DNAJC1: variants seen among roughly 807,000 people sequenced by gnomAD.
The protein encoded by DNAJC1 is dnaJ homolog subfamily C member 1.
In DNAJC1, 58 loss-of-function variants were observed where a neutral mutation model predicts 76.6. The ratio of observed to expected loss-of-function variants is 0.76; its 90% CI spans 0.61 to 0.94. The LOEUF (loss-of-function observed/expected upper bound fraction) is 0.94, where lower values mean the gene tolerates loss of function less well. Ranked by LOEUF, DNAJC1 falls within the 40% of genes least tolerant of loss-of-function variation. DNAJC1 has a pLI of 0.00. For synonymous variants in DNAJC1, 258 were observed against 267.9 expected (o/e 0.96, Z 0.36); for missense variants, 689 against 677.3 (o/e 1.02, Z -0.19).
intron 8 of DNAJC1, among the ~76,000 whole-genome samples, chr10:21,837,064 C>T (rs1053872577): frequency 3.9e-5 from 6 of 152,378 alleles, no homozygotes; most frequent in African/African-American, 1.2e-4. Flanking sequence ...GCGTGCGCCG[C>T]CACGCCTGAC....
At chr10:21,908,263 A>C (rs1167959799) in intron 6 of DNAJC1, among the ~76,000 whole-genome samples, 1 of 115,126 alleles carries the variant, frequency 8.7e-6, no homozygotes, top group Non-Finnish European at 1.7e-5. Flanking sequence ...AAATATATAT[A>C]TATATTTTAT....
chr10:21,850,609 T>C (rs1304496378), intron 8 of DNAJC1, among the ~76,000 whole-genome samples: 2 of 151,816 alleles, frequency 1.3e-5, no homozygotes, highest in East Asian at 1.9e-4. Flanking sequence ...TATGCACATC[T>C]ATGCACATCA....
At chr10:21,876,749 T>G (rs909903288) in intron 8 of DNAJC1, among the ~76,000 whole-genome samples, 9 of 152,204 alleles carry the variant, frequency 5.9e-5, no homozygotes, top group Admixed American at 5.9e-4. Flanking sequence ...TACACAGTTA[T>G]GGACACTTGG....
At chr10:21,881,245 T>C (rs1366965241) in intron 8 of DNAJC1, among the ~76,000 whole-genome samples, 2 of 152,248 alleles carry the variant, frequency 1.3e-5, no homozygotes, top group Non-Finnish European at 2.9e-5. Flanking sequence ...ACTTTCTCCA[T>C]ATCAGCAATA....
At chr10:21,833,843 A>G (rs1189687484) in intron 8 of DNAJC1, among the ~76,000 whole-genome samples, 3 of 152,184 alleles carry the variant, frequency 2.0e-5, no homozygotes, top group African/African-American at 4.8e-5. Flanking sequence ...CACCAACAAA[A>G]TACTATATAA....
At chr10:21,962,350 T>A (rs1837809111) in intron 1 of DNAJC1, among the ~76,000 whole-genome samples, 1 of 151,396 alleles carries the variant, frequency 6.6e-6, no homozygotes, top group African/African-American at 2.4e-5. Context: ...TTATTAAGAC[T>A]TGCCACTTCT....
At chr10:21,902,327 CT>C (rs916298375) in intron 7 of DNAJC1, among the ~76,000 whole-genome samples, 1 of 151,332 alleles carries the variant, frequency 6.6e-6, no homozygotes, top group African/African-American at 2.4e-5. Context: ...TTAAAAGAGA[CT>C]TTTTTTTTGA....
At chr10:21,823,714 A>G (rs529166006) in intron 8 of DNAJC1, among the ~76,000 whole-genome samples, 11 of 151,962 alleles carry the variant, frequency 7.2e-5, no homozygotes, top group Non-Finnish European at 1.6e-4. Context: ...AAAATACACT[A>G]ATGCTAACAA....
intron 2 of DNAJC1, among the ~76,000 whole-genome samples, 192 bp downstream of exon 2, chr10:21,928,848 C>T (rs1001076579): frequency 6.6e-6 from 1 of 151,664 alleles, no homozygotes; most frequent in African/African-American, 2.4e-5. Context: ...TATGACCCTC[C>T]AAGAATTTAG....
chr10:21,759,448 C>T lies in DNAJC1; in HGVS notation c.1318G>A (p.Ala440Thr). 6.2e-7 allele frequency: 1 copy of T among 1,614,156 alleles called. No individual in the cohort carries two copies. Among genetic ancestry groups the T allele is most frequent in the Non-Finnish European group, 8.5e-7 (1 of 1,180,046 alleles). ...SGEQETGATD[A>T]RPRRRKPARL... Reference sequence around the variant, plus strand: ...GCTGGCTTCCGCCTCCGAGGCCGGGCATCAGTGGCCCCGGTCTCCTGCTCA... The same window carrying T: ...GCTGGCTTCCGCCTCCGAGGCCGGGTATCAGTGGCCCCGGTCTCCTGCTCA... Residue 440 changes from alanine to threonine, a missense_variant, in exon 11 of 12, where the codon GCC (alanine) becomes ACC (threonine). By Grantham distance (58) the Ala-to-Thr change is moderately conservative. Coordinates refer to ENST00000376980, the MANE Select transcript of DNAJC1 (RefSeq NM_022365.4).
At chr10:21,993,079 A>G (rs1221673018) in intron 1 of DNAJC1, among the ~76,000 whole-genome samples, 2 of 149,972 alleles carry the variant, frequency 1.3e-5, no homozygotes, top group African/African-American at 2.5e-5. Context: ...ATTTTATAAA[A>G]CAATTTTATG....
chr10:21,841,438 C>A (rs933412713), intron 8 of DNAJC1, among the ~76,000 whole-genome samples: 5 of 152,080 alleles, frequency 3.3e-5, no homozygotes, highest in Admixed American at 6.6e-5. Context: ...AACAAGTGGG[C>A]GAAGGATATG....
chr10:21,928,699 T>C, intron 2 of DNAJC1, 147 bp from the exon 3 acceptor site: 1 of 630,310 alleles, frequency 1.6e-6, no homozygotes, highest in Non-Finnish European at 2.8e-6. Context: ...TAAGTAACAC[T>C]ATGTTTTGGT....
chr10:21,999,932 C>A (rs868667082), intron 1 of DNAJC1, among the ~76,000 whole-genome samples: 5 of 152,280 alleles, frequency 3.3e-5, no homozygotes, highest in African/African-American at 4.8e-5. Flanking sequence ...TAACTCTACA[C>A]CTGAATAACC....
intron 8 of DNAJC1, among the ~76,000 whole-genome samples, chr10:21,836,311 G>T (rs1418254513): frequency 6.6e-6 from 1 of 152,086 alleles, no homozygotes; most frequent in Non-Finnish European, 1.5e-5. Context: ...TGCCCTAAAA[G>T]AACTCCTGAA....
chr10:21,778,527 G>A (rs1834481894), intron 9 of DNAJC1, among the ~76,000 whole-genome samples: 1 of 152,140 alleles, frequency 6.6e-6, no homozygotes, highest in Non-Finnish European at 1.5e-5. Context: ...CATTTCAAGG[G>A]GCTTACAATT....
intron 7 of DNAJC1, among the ~76,000 whole-genome samples, chr10:21,904,137 T>C (rs887995463): frequency 2.0e-5 from 3 of 152,142 alleles, no homozygotes; most frequent in Non-Finnish European, 4.4e-5. Context: ...ACAAAAATCA[T>C]TGGTATTTTC....
chr10:21,826,627 T>C (rs1423169217), intron 8 of DNAJC1, among the ~76,000 whole-genome samples: 1 of 152,242 alleles, frequency 6.6e-6, no homozygotes, highest in African/African-American at 2.4e-5. Context: ...ACTAGTTTTA[T>C]AATTTTAGCT....
intron 3 of DNAJC1, among the ~76,000 whole-genome samples, chr10:21,926,478 T>C (rs569188730): frequency 6.6e-5 from 10 of 152,324 alleles, no homozygotes; most frequent in Non-Finnish European, 1.5e-4. Flanking sequence ...TGAATATTTA[T>C]AGTAAATAAC....
Sources: allele counts gnomAD v4.1 joint callset (sites outside exome capture counted in the v4.1 genomes callset), GRCh38; gene constraint gnomAD v4.1.1; transcripts MANE v1.5; gene names NCBI Gene and HGNC (gene_info 2026-07-23, HGNC 2026-07-21).